Variants in AKAP8L observed in about 807,000 individuals in gnomAD.
AKAP8L encodes the protein A-kinase anchoring protein 8 like, also known as A-kinase anchor protein 8-like.
Under a neutral mutation model 77.5 loss-of-function variants are expected in AKAP8L, and 34 were observed. That is an observed-to-expected ratio of 0.44 (90% CI 0.33 to 0.58). The LOEUF is 0.58. AKAP8L is among the 20% of genes least tolerant of loss of function. The pLI is 0.02. For synonymous variants in AKAP8L, 342 were observed against 340.7 expected, an observed-to-expected ratio of 1.00 and a Z score of -0.04; for missense variants, 806 against 887.6, an observed-to-expected ratio of 0.91 and a Z score of 1.17.
In AKAP8L at chr19:15,399,077, C is replaced by T. The variant is rs1282626096; in HGVS notation, c.1157+225G>A. 5.3e-6 allele frequency: 3 copies of T among 569,184 alleles called. No homozygotes were observed. Among genetic ancestry groups the T allele is most frequent in the Non-Finnish European group, 9.4e-6 (3 of 320,200 alleles). The allele number at this position is 569,184 out of a possible 1,614,324, so 35.3% of individuals were successfully genotyped here. A position where few individuals can be genotyped will look rare whatever the true frequency, so the allele number is the denominator to read the frequency against. ...GCAACGGTGCCGAGCGGTGTCAGGT[C>T]TCGGCCCACAGACGCCAGCGGTCGC... On this transcript the variant is annotated intron_variant, in intron 9 of 13. Transcript: ENST00000397410. This position sits in a 1 kb window ranked among gnomAD's most constrained non-coding sequence, Gnocchi z 6.1.
Position 15,380,505 on chromosome 19 carries a change from C to A in AKAP8L, c.1632+12G>T. On this transcript the variant is annotated intron_variant, in intron 13 of 13. Coordinates refer to ENST00000397410, the MANE Select transcript of AKAP8L (RefSeq NM_014371.4). ...AAGCTGGGGACAGGGCAGGCCCGGA[C>A]CAGTGCCTCACCTTCAGGTAGCGCT... The A allele has an allele frequency of 6.2e-7, 1 of 1,613,836 alleles. No homozygotes were observed. The highest frequency in any genetic ancestry group is 8.5e-7 in the Non-Finnish European group (1 of 1,179,876).
chr19:15,384,909 C>T (rs1160964968), intron 12 of AKAP8L, among the ~76,000 whole-genome samples: 1 of 150,756 alleles, frequency 6.6e-6, no homozygotes, highest in Non-Finnish European at 1.5e-5. Context: ...CTCGCTTTGT[C>T]GCCCAGGCTG....
At chr19:15,416,763 C>T (rs1483629051) in intron 1 of AKAP8L, among the ~76,000 whole-genome samples, 2 of 152,206 alleles carry the variant, frequency 1.3e-5, no homozygotes, top group African/African-American at 2.4e-5. Context: ...TCTCCTCTTC[C>T]CCTCTCAGTG....
chr19:15,403,455 C>G lies in AKAP8L; in HGVS notation c.362+20G>C. 6.2e-7 allele frequency: 1 copy of G among 1,613,306 alleles called. No homozygotes were observed. Among genetic ancestry groups the G allele is most frequent in the Non-Finnish European group, 8.5e-7 (1 of 1,179,446 alleles). On this transcript the variant is annotated intron_variant, in intron 4 of 13. Coordinates refer to ENST00000397410, the MANE Select transcript of AKAP8L (RefSeq NM_014371.4). This position sits in a 1 kb window ranked among gnomAD's most constrained non-coding sequence, Gnocchi z 4.3. ...AGCCGCCCCTGCAGAGTCTCAACCC[C>G]TAGGCAGGTGTCCACTCACCTTTCT...
chr19:15,381,696 CTAAAGA>C (rs1011622278), intron 12 of AKAP8L, among the ~76,000 whole-genome samples: 1 of 151,894 alleles, frequency 6.6e-6, no homozygotes, highest in African/African-American at 2.4e-5. Context: ...TCACAATAAA[CTAAAGA>C]TACACAATTA....
Position 15,396,778 on chromosome 19 carries a change from A to T in AKAP8L, c.1536+372T>A, listed in dbSNP as rs141947527. The stretch of plus-strand genomic sequence containing the variant: ...CCTGTTAATCCCACACTTGAAACTT[A>T]ACTGCCTACAGGAACAAGCCCAGGC... On this transcript the variant is annotated intron_variant, in intron 12 of 13. Transcript: ENST00000397410. 3.7e-3 allele frequency among the ~76,000 whole-genome samples: 558 copies of T among 152,262 alleles called. 5 individuals carry two copies. The highest frequency in any genetic ancestry group is 0.013 in the African/African-American group (534 of 41,548).
At chr19:15,395,225 G>T (rs1285917822) in intron 12 of AKAP8L, among the ~76,000 whole-genome samples, 3 of 151,948 alleles carry the variant, frequency 2.0e-5, no homozygotes, top group Non-Finnish European at 4.4e-5. Flanking sequence ...AGTAGAGACG[G>T]GTTTCACCAT....
chr19:15,404,334 G>A (rs1726656765), intron 2 of AKAP8L: 1 of 402,846 alleles, frequency 2.5e-6, no homozygotes, highest in Admixed American at 4.3e-5. Flanking sequence ...GAATTAGAAG[G>A]TGACCTCCAC....
Position 15,403,042 on chromosome 19 carries a change from G to GA in AKAP8L, c.362+432_362+433insT, listed in dbSNP as rs1335268143. ...TGCCCACACCTGCCCCGACCCTTAC[G>GA]TGGGGGTGGCCCAGCTCGCAGTGAT... On this transcript the variant is annotated intron_variant, in intron 4 of 13. Coordinates refer to ENST00000397410, the MANE Select transcript of AKAP8L (RefSeq NM_014371.4). This position sits in a 1 kb window ranked among gnomAD's most constrained non-coding sequence, Gnocchi z 4.3. Among the ~76,000 whole-genome samples the GA allele has an allele frequency of 6.6e-6, 1 of 152,154 alleles. No homozygotes were observed. Among genetic ancestry groups the GA allele is most frequent in the Non-Finnish European group, 1.5e-5 (1 of 68,026 alleles).
At chr19:15,410,374 G>T in intron 2 of AKAP8L, 146 bp downstream of exon 2, 1 of 655,936 alleles carries the variant, frequency 1.5e-6, no homozygotes, top group Non-Finnish European at 2.7e-6. Context: ...TGAAAGGGAA[G>T]CACTAGCTAT....
At chr19:15,405,262 A>G (rs1967973548) in intron 2 of AKAP8L, among the ~76,000 whole-genome samples, 1 of 152,232 alleles carries the variant, frequency 6.6e-6, no homozygotes, top group Non-Finnish European at 1.5e-5. Flanking sequence ...GGCTGGGTGC[A>G]GTGGCTCACG....
chr19:15,406,432 T>C (rs1199747244), intron 2 of AKAP8L, among the ~76,000 whole-genome samples: 2 of 148,202 alleles, frequency 1.3e-5, no homozygotes, highest in East Asian at 3.9e-4. Flanking sequence ...TTTATTATTA[T>C]TAAATATATA....
At chr19:15,386,751 C>T (rs989334537) in intron 12 of AKAP8L, among the ~76,000 whole-genome samples, 4 of 152,138 alleles carry the variant, frequency 2.6e-5, no homozygotes, top group Non-Finnish European at 5.9e-5. Flanking sequence ...CTCTACTTCC[C>T]GGGTTCAAAC....
Position 15,410,582 on chromosome 19 carries a change from C to A in AKAP8L, c.26G>T (p.Gly9Val), listed in dbSNP as rs1418423250. 1.3e-6 allele frequency: 2 copies of A among 1,592,482 alleles called. No individual in the cohort carries two copies. The highest frequency in any genetic ancestry group is 1.7e-6 in the Non-Finnish European group (2 of 1,169,442). ...TGTCGACTGCAAAGTGGTTTCAGAT[C>A]CCTGGACAAAGCCTAAACATAAAGA... Reference protein sequence around the residue: MSYTGFVQGSETTLQSTYS... With the variant: MSYTGFVQVSETTLQSTYS... The change falls in exon 2 of 14, where the codon GGA becomes GTA. Residue 9 changes from glycine to valine, a missense_variant. Transcript: ENST00000397410.
intron 1 of AKAP8L, among the ~76,000 whole-genome samples, chr19:15,418,448 G>A (rs1441335884): frequency 1.3e-5 from 2 of 152,114 alleles, no homozygotes; most frequent in African/African-American, 2.4e-5. Flanking sequence ...AAAGGGGGTG[G>A]TGGGTGGGAT....
chr19:15,408,815 T>C (rs1348665738), intron 2 of AKAP8L, among the ~76,000 whole-genome samples: 2 of 147,434 alleles, frequency 1.4e-5, no homozygotes, highest in Non-Finnish European at 3.0e-5. Context: ...GAGCTTGCAG[T>C]GAGCTGAGAT....
In AKAP8L at chr19:15,397,082, G is replaced by A; in HGVS notation, c.1536+68C>T. 1.3e-6 allele frequency: 2 copies of A among 1,594,018 alleles called. No homozygotes were observed. Among genetic ancestry groups the A allele is most frequent in the East Asian group, 2.2e-5 (1 of 44,460 alleles). The stretch of plus-strand genomic sequence containing the variant: ...TCACGGGCTGGCAGAGGTTCCAACT[G>A]CACAACCTCCCCAGAGGCCTCACTC... On this transcript the variant is annotated intron_variant, in intron 12 of 13. Coordinates refer to ENST00000397410, the MANE Select transcript of AKAP8L (RefSeq NM_014371.4). The surrounding 1 kb of genome is among the most constrained non-coding windows in gnomAD (Gnocchi z 4.7).
intron 13 of AKAP8L, 41 bp downstream of exon 13, chr19:15,380,476 G>T: frequency 6.2e-7 from 1 of 1,613,114 alleles, no homozygotes; most frequent in South Asian, 1.1e-5. Context: ...CACAGGCGGG[G>T]ACTAAGCTGG....
In AKAP8L at chr19:15,380,697, C is replaced by A. The variant is rs942024710; in HGVS notation, c.1537-85G>T. The A allele has an allele frequency of 2.4e-5, 30 of 1,257,736 alleles. 1 individual carries two copies. The South Asian group carries it at 2.7e-4, about 11-fold the overall frequency. The allele number at this position is 1,257,736 out of a possible 1,614,324, so 77.9% of individuals were successfully genotyped here. A position where few individuals can be genotyped will look rare whatever the true frequency, so the allele number is the denominator to read the frequency against. ...CCGACCCTGCCAGCTTAGAGGGACC[C>A]CACCCCGCCCCTGCACCCACGCACT... On this transcript the variant is annotated intron_variant, in intron 12 of 13. Transcript: ENST00000397410.
Sources: gnomAD v4.1 joint callset for allele counts (sites outside exome capture counted in the v4.1 genomes callset) on GRCh38, gnomAD v4.1.1 for gene constraint, Gnocchi (gnomAD v3.1) non-coding constraint, MANE v1.5 for transcripts, NCBI Gene and HGNC (gene_info 2026-07-23, HGNC 2026-07-21) for gene names.